Variants in ST3GAL6 observed in about 807,000 individuals in gnomAD.
The protein encoded by ST3GAL6 is type 2 lactosamine alpha-2,3-sialyltransferase.
A neutral mutation model predicts 40.5 loss-of-function variants in ST3GAL6; 31 were observed. The observed-to-expected ratio is 0.77, with a 90% confidence interval of 0.58 to 1.03. ST3GAL6 has a LOEUF of 1.03. ST3GAL6 is among the 50% of genes least tolerant of loss of function. The pLI, the probability that ST3GAL6 is intolerant of heterozygous loss-of-function variation, is 0.00. For missense variants in ST3GAL6, 357 were observed against 393.2 expected, an observed-to-expected ratio of 0.91 and a Z score of 0.78; for synonymous variants, 129 against 136.9, an observed-to-expected ratio of 0.94 and a Z score of 0.40.
At chr3:98,762,916 CTG>C (rs1238339759), upstream of ST3GAL6, 3 of 985,338 alleles carry the variant, frequency 3.0e-6, no homozygotes, top group African/African-American at 3.5e-5. Flanking sequence ...GGTTAATAAA[CTG>C]TGCTATCATT....
chr3:98,738,356 C>G (rs1935752736), intron 1 of ST3GAL6, among the ~76,000 whole-genome samples: 1 of 151,964 alleles, frequency 6.6e-6, no homozygotes, highest in African/African-American at 2.4e-5. Flanking sequence ...TCACTGCAGC[C>G]TCAGCCTCAT....
At chr3:98,786,985 T>TGTGTGTGTG (rs397972206) in intron 6 of ST3GAL6, among the ~76,000 whole-genome samples, 5 of 146,088 alleles carry the variant, frequency 3.4e-5, no homozygotes, top group African/African-American at 7.5e-5. Flanking sequence ...TGTGTGTGTG[T>TGTGTGTGTG]TAGGAGTAGC....
At chr3:98,772,327 A>G (rs1939084944) in intron 3 of ST3GAL6, 1 of 152,692 alleles carries the variant, frequency 6.5e-6, no homozygotes, top group African/African-American at 2.4e-5. Flanking sequence ...CAGTGTTATA[A>G]AGAGAACATC....
intron 6 of ST3GAL6, among the ~76,000 whole-genome samples, chr3:98,785,784 G>A (rs4425201): frequency 0.43 from 65,189 of 152,020 alleles, 14,148 homozygotes; most frequent in Non-Finnish European, 0.45. Context: ...ATGGAATGTG[G>A]GGGACAAGGG....
chr3:98,777,037 G>T (rs527456841), intron 5 of ST3GAL6, among the ~76,000 whole-genome samples: 1 of 152,306 alleles, frequency 6.6e-6, no homozygotes, highest in East Asian at 1.9e-4. Flanking sequence ...GACCAAGGCT[G>T]CTTCTCTATC....
chr3:98,791,258 A>G lies in ST3GAL6; in HGVS notation c.757-583A>G, dbSNP rs190154981. Among the ~76,000 whole-genome samples, 430 of 152,268 alleles carry G rather than the reference A, an allele frequency of 2.8e-3. 3 individuals are homozygous for G. The highest frequency in any genetic ancestry group is 8.0e-3 in the African/African-American group (331 of 41,546). On this transcript the variant is annotated intron_variant, in intron 8 of 9. Coordinates refer to ENST00000483910, the MANE Select transcript of ST3GAL6 (RefSeq NM_001323368.2). ...GTATAATGGTGCAGCTGAGATTGTG[A>G]TATTGCTATGTATGCATTTGGAATA...
intron 1 of ST3GAL6, chr3:98,756,294 T>C: frequency 8.1e-7 from 1 of 1,228,700 alleles, no homozygotes; most frequent in Non-Finnish European, 1.1e-6. Flanking sequence ...CCTTAAAGTT[T>C]TAAAAATGAC....
chr3:98,773,083 A>T, intron 4 of ST3GAL6, 167 bp downstream of exon 4: 1 of 492,876 alleles, frequency 2.0e-6, no homozygotes, highest in East Asian at 3.3e-5. Context: ...AATATAAATT[A>T]TCACTCCTTT....
At chr3:98,776,740 T>C (rs1211021430) in intron 5 of ST3GAL6, among the ~76,000 whole-genome samples, 1 of 152,228 alleles carries the variant, frequency 6.6e-6, no homozygotes, top group Non-Finnish European at 1.5e-5. Flanking sequence ...TTTTCCTTGC[T>C]TTTTATTCTC....
chr3:98,737,358 G>A (rs1178936398), intron 1 of ST3GAL6, among the ~76,000 whole-genome samples: 1 of 152,060 alleles, frequency 6.6e-6, no homozygotes, highest in Non-Finnish European at 1.5e-5. Context: ...GCCCCTTCCT[G>A]TCTCTCTGTC....
rs1286929048 is a variant in ST3GAL6 at position 98,794,021 on chromosome 3, C to T, written c.*260C>T. On this transcript the variant is annotated 3_prime_UTR_variant, in exon 10 of 10. Transcript: ENST00000483910. ...GCTAGTTTTCTGAGGTGTTTTCACA[C>T]GTCTTTTTATAGTTACTTCATCTTA... The T allele has an allele frequency of 2.4e-5, 6 of 253,560 alleles. No homozygotes were observed. The highest frequency in any genetic ancestry group is 1.2e-4 in the South Asian group (1 of 8,492). 15.7% of individuals were successfully genotyped at this position (253,560 alleles called of 1,614,324 possible).
upstream of ST3GAL6, among the ~76,000 whole-genome samples, chr3:98,761,311 TA>T (rs1375628799): frequency 6.6e-6 from 1 of 152,110 alleles, no homozygotes; most frequent in Non-Finnish European, 1.5e-5. Context: ...AAGGCAATTT[TA>T]AAAATTACAC....
intron 1 of ST3GAL6, chr3:98,756,474 C>T (rs570961802): frequency 1.6e-6 from 2 of 1,289,080 alleles, no homozygotes; most frequent in Non-Finnish European, 2.0e-6. Flanking sequence ...CAGCCTGGTC[C>T]CTCTTTCGCA....
At chr3:98,745,614 G>T (rs1004413506) in intron 1 of ST3GAL6, among the ~76,000 whole-genome samples, 7 of 152,190 alleles carry the variant, frequency 4.6e-5, no homozygotes, top group African/African-American at 1.7e-4. Flanking sequence ...CTATGGGAAA[G>T]TCTTCAAGAC....
intron 5 of ST3GAL6, among the ~76,000 whole-genome samples, chr3:98,779,519 G>C (rs955013473): frequency 2.6e-5 from 4 of 152,204 alleles, no homozygotes; most frequent in African/African-American, 4.8e-5. Flanking sequence ...AAAAGCATTT[G>C]TAAAATAAAA....
chr3:98,781,879 T>C (rs1256748964), intron 5 of ST3GAL6, among the ~76,000 whole-genome samples: 2 of 152,234 alleles, frequency 1.3e-5, no homozygotes, highest in African/African-American at 2.4e-5. Flanking sequence ...TGCCCAGCCT[T>C]GCTTAACATT....
chr3:98,770,583 A>G (rs992258678), intron 2 of ST3GAL6: 8 of 255,300 alleles, frequency 3.1e-5, no homozygotes, highest in Non-Finnish European at 6.0e-5. Context: ...TGCAGCTTCT[A>G]CAATGCAGTA....
At chr3:98,792,987 T>C (rs1298608340) in intron 9 of ST3GAL6, among the ~76,000 whole-genome samples, 2 of 152,174 alleles carry the variant, frequency 1.3e-5, no homozygotes, top group Non-Finnish European at 2.9e-5. Context: ...ATCAGTCCCC[T>C]TGAATCACCC....
Position 98,791,942 on chromosome 3 carries a change from C to T in ST3GAL6, c.858C>T (p.Leu286=), listed in dbSNP as rs780468988. The T allele has an allele frequency of 1.2e-6, 2 of 1,613,940 alleles. No homozygotes were observed. Among genetic ancestry groups the T allele is most frequent in the East Asian group, 4.5e-5 (2 of 44,866 alleles). Residue 286 remains leucine (L), a synonymous_variant, in exon 9 of 10, where the codon CTC becomes CTT. Coordinates refer to ENST00000483910, the MANE Select transcript of ST3GAL6 (RefSeq NM_001323368.2). ...GTTTTAAATACAACTTTTCTGACCT[C>T]AAGAGTCCTTTGCACTACTATGGGA... ...LAGFKYNFSD[L]KSPLHYYGNA...
Sources: allele counts gnomAD v4.1 joint callset (sites outside exome capture counted in the v4.1 genomes callset), GRCh38; gene constraint gnomAD v4.1.1; transcripts MANE v1.5; gene names NCBI Gene and HGNC (gene_info 2026-07-23, HGNC 2026-07-21).